INTS2: variants seen among roughly 807,000 people sequenced by gnomAD.
INTS2 encodes KIAA1287.
In INTS2, 57 loss-of-function variants were observed where a neutral mutation model predicts 139.6. The observed-to-expected ratio is 0.41, with a 90% CI of 0.33 to 0.51. The LOEUF (loss-of-function observed/expected upper bound fraction) is 0.51. Among genes scored for constraint, INTS2 ranks in the 20% least tolerant of loss-of-function variants. The probability of loss-of-function intolerance (pLI) is 0.28; values close to 1 mark genes in which losing one functional copy is unlikely to be tolerated. For missense variants in INTS2, 1,196 were observed against 1,436.7 expected, an observed-to-expected ratio of 0.83 and a Z score of 2.71; for synonymous variants, 473 against 493.4, an observed-to-expected ratio of 0.96 and a Z score of 0.55.
intron 9 of INTS2, among the ~76,000 whole-genome samples, chr17:61,903,273 C>G (rs2079427940): frequency 6.7e-6 from 1 of 149,524 alleles, no homozygotes; most frequent in African/African-American, 2.5e-5. Context: ...CCCAGCTGGC[C>G]TCGAACTCAT....
At chr17:61,912,299 C>G (rs1461590956) in intron 5 of INTS2, among the ~76,000 whole-genome samples, 1 of 144,708 alleles carries the variant, frequency 6.9e-6, no homozygotes, top group Non-Finnish European at 1.5e-5. Context: ...AAGTACGAGA[C>G]AAAAATACAT....
intron 8 of INTS2, among the ~76,000 whole-genome samples, chr17:61,905,943 C>T (rs552178151): frequency 1.4e-3 from 208 of 152,164 alleles, no homozygotes; most frequent in African/African-American, 4.7e-3. Flanking sequence ...GTGATCTGTC[C>T]ACCTTGGCCC....
At chr17:61,889,274 A>T (rs566699880) in intron 15 of INTS2, among the ~76,000 whole-genome samples, 86 of 150,048 alleles carry the variant, frequency 5.7e-4, no homozygotes, top group African/African-American at 2.0e-3. Context: ...TTTAGTAGAG[A>T]CGGGGTTTCG....
intron 9 of INTS2, among the ~76,000 whole-genome samples, chr17:61,902,160 G>A (rs1401850058): frequency 6.6e-6 from 1 of 152,092 alleles, no homozygotes; most frequent in Non-Finnish European, 1.5e-5. Flanking sequence ...CGTAGGATTA[G>A]TTTTTTATCC....
chr17:61,884,547 T>G (rs1165547259), intron 16 of INTS2, among the ~76,000 whole-genome samples: 1 of 151,886 alleles, frequency 6.6e-6, no homozygotes, highest in African/African-American at 2.4e-5. Context: ...CTATTCAGAG[T>G]TAAAAAAATT....
chr17:61,906,907 T>C (rs1305934173), intron 8 of INTS2, among the ~76,000 whole-genome samples: 1 of 123,810 alleles, frequency 8.1e-6, no homozygotes, highest in Non-Finnish European at 1.6e-5. Flanking sequence ...GAGGTTACAG[T>C]GAGCCGAGAT....
chr17:61,906,962 T>TGAA (rs2079471083), intron 8 of INTS2, among the ~76,000 whole-genome samples: 1 of 17,768 alleles, frequency 5.6e-5, no homozygotes, highest in African/African-American at 4.6e-4. Flanking sequence ...AGATTCCATC[T>TGAA]CAAAAAAAAA....
In INTS2 at chr17:61,891,538, A is replaced by C. The variant is rs377736979; in HGVS notation, c.1850T>G (p.Leu617Arg). Residue 617 changes from leucine to arginine, a missense_variant, in exon 14 of 25, where the codon CTC (leucine) becomes CGC (arginine). Transcript: ENST00000251334. The part of the protein sequence containing the change: ...TNQPVTEQEI[L>R]NIFQGVIGGD... The stretch of plus-strand genomic sequence containing the variant: ...CCCAATGACTCCTTGGAAAATATTG[A>C]GTATCTCCTGTTCTGTGACTGGCTG... 1.1e-5 allele frequency: 18 copies of C among 1,613,390 alleles called. No individual in the cohort carries two copies. The highest frequency in any genetic ancestry group is 5.1e-6 in the Non-Finnish European group (6 of 1,179,670).
intron 9 of INTS2, among the ~76,000 whole-genome samples, chr17:61,901,867 G>A (rs2143046453): frequency 6.6e-6 from 1 of 152,084 alleles, no homozygotes; most frequent in Middle Eastern, 3.4e-3. Flanking sequence ...CAAAGTGCTG[G>A]GATTACAGGC....
At chr17:61,914,893 A>C (rs916012142) in intron 5 of INTS2, among the ~76,000 whole-genome samples, 3 of 149,826 alleles carry the variant, frequency 2.0e-5, no homozygotes, top group African/African-American at 7.4e-5. Flanking sequence ...AAAAAAGCGT[A>C]TTTTGGAGGT....
chr17:61,881,294 T>C, intron 16 of INTS2, 123 bp from the exon 17 acceptor site: 1 of 783,776 alleles, frequency 1.3e-6, no homozygotes, highest in Non-Finnish European at 2.0e-6. Context: ...TAAGTCAGTG[T>C]TTCTCAAAAA....
rs781464874 is a variant in INTS2 at position 61,885,559 on chromosome 17, A to G, written c.1985-554T>C. On this transcript the variant is annotated intron_variant, in intron 15 of 24. Transcript: ENST00000251334. ...CCTCTCAAGTAGATTGGCTGGGATAACAGGCATCCACCACCATGCCTGGCT... is the reference window on the plus strand; with the variant it reads ...CCTCTCAAGTAGATTGGCTGGGATAGCAGGCATCCACCACCATGCCTGGCT... Among the ~76,000 whole-genome samples, 46 of 151,612 alleles carry G rather than the reference A, an allele frequency of 3.0e-4. No homozygotes were observed. The Middle Eastern group carries it at 0.01, about 34-fold the overall frequency.
Position 61,869,194 on chromosome 17 carries a change from A to C in INTS2, c.3139-55T>G. The C allele has an allele frequency of 6.8e-7, 1 of 1,469,246 alleles. No individual in the cohort carries two copies. Among genetic ancestry groups the C allele is most frequent in the East Asian group, 2.3e-5 (1 of 43,630 alleles). 91.0% of individuals were successfully genotyped at this position (1,469,246 alleles called of 1,614,324 possible). A position where few individuals can be genotyped will look rare whatever the true frequency, so the allele number is the denominator to read the frequency against. ...TTCTCAAGAATATCTTTAGGTATTAAAAATTATAAAATGTTTTGTATAACT... is the reference window on the plus strand; with the variant it reads ...TTCTCAAGAATATCTTTAGGTATTACAAATTATAAAATGTTTTGTATAACT... On this transcript the variant is annotated intron_variant, in intron 22 of 24. Transcript: ENST00000251334. This position sits in a 1 kb window ranked among gnomAD's most constrained non-coding sequence, Gnocchi z 5.4.
chr17:61,915,828 A>AG (rs1464639394), intron 5 of INTS2, among the ~76,000 whole-genome samples: 1 of 149,476 alleles, frequency 6.7e-6, no homozygotes, highest in Non-Finnish European at 1.5e-5. Flanking sequence ...AAAAAAAAAA[A>AG]AAAAAAAAAA....
chr17:61,911,865 C>T, intron 6 of INTS2, 75 bp downstream of exon 6: 9 of 1,524,424 alleles, frequency 5.9e-6, no homozygotes, highest in Non-Finnish European at 8.0e-6. Flanking sequence ...CTCTACAGGA[C>T]TCTAAAACCA....
intron 4 of INTS2, 22 bp downstream of exon 4, chr17:61,921,703 A>G: frequency 1.7e-6 from 2 of 1,211,534 alleles, no homozygotes; most frequent in Non-Finnish European, 2.3e-6. Flanking sequence ...TATGAAATCC[A>G]TCTTAGCACT....
chr17:61,869,663 C>T lies in INTS2; in HGVS notation c.3030+74G>A, dbSNP rs2079073282. 2.7e-6 allele frequency: 4 copies of T among 1,465,898 alleles called. No individual in the cohort carries two copies. Among genetic ancestry groups the T allele is most frequent in the Non-Finnish European group, 3.7e-6 (4 of 1,083,454 alleles). 90.8% of individuals were successfully genotyped at this position (1,465,898 alleles called of 1,614,324 possible). A position where few individuals can be genotyped will look rare whatever the true frequency, so the allele number is the denominator to read the frequency against. On this transcript the variant is annotated intron_variant, in intron 21 of 24. Transcript: ENST00000251334. The surrounding 1 kb of genome is among the most constrained non-coding windows in gnomAD (Gnocchi z 5.4). ...TGTTTTCTCTGGTTTCTAAATGATCCCTGTTAATATAGTATTCAAAGCCCC... is the reference window on the plus strand; with the variant it reads ...TGTTTTCTCTGGTTTCTAAATGATCTCTGTTAATATAGTATTCAAAGCCCC...
Position 61,895,385 on chromosome 17 carries a change from T to C in INTS2, c.1495-2A>G. ...CAAGGAGCTTGGCTTAATTACAATC[T>C]AAAATTACCAAAAGAATTCCAACAG... is the stretch of plus-strand genomic sequence containing the variant. On this transcript the variant is annotated splice_acceptor_variant, in intron 11 of 24. Coordinates refer to ENST00000251334, the MANE Select transcript of INTS2 (RefSeq NM_001351695.2). LOFTEE classifies it high-confidence loss of function. 6.4e-7 allele frequency: 1 copy of C among 1,551,020 alleles called. No homozygotes were observed. The highest frequency in any genetic ancestry group is 8.7e-7 in the Non-Finnish European group (1 of 1,151,234).
At chr17:61,917,476 G>A (rs188132966) in intron 5 of INTS2, among the ~76,000 whole-genome samples, 23 of 152,240 alleles carry the variant, frequency 1.5e-4, no homozygotes, top group East Asian at 9.6e-4. Context: ...GTCCTTTGCC[G>A]CAACAAGGAT....
Sources: allele counts gnomAD v4.1 joint callset (sites outside exome capture counted in the v4.1 genomes callset), GRCh38; gene constraint gnomAD v4.1.1; non-coding constraint Gnocchi (gnomAD v3.1); transcripts MANE v1.5; gene names NCBI Gene and HGNC (gene_info 2026-07-23, HGNC 2026-07-21).